Variants in RBFOX1 observed in about 807,000 individuals in gnomAD.
The protein encoded by RBFOX1 is RNA binding protein fox-1 homolog 1.
A neutral mutation model predicts 57.7 loss-of-function variants in RBFOX1; 8 were observed. That is an observed-to-expected ratio of 0.14 (90% CI 0.08 to 0.25). The LOEUF is 0.25. RBFOX1 is among the 10% of genes least tolerant of loss of function. The probability of loss-of-function intolerance (pLI) is 1.00; values close to 1 mark genes in which losing one functional copy is unlikely to be tolerated. For synonymous variants in RBFOX1, 326 were observed against 222.4 expected, an observed-to-expected ratio of 1.47 and a Z score of -4.15; for missense variants, 611 against 548.5, an observed-to-expected ratio of 1.11 and a Z score of -1.14.
intron 5 of RBFOX1, among the ~76,000 whole-genome samples, chr16:7,543,667 C>CTGTGTGTGTGTG (rs71150310): frequency 1.4e-5 from 2 of 141,520 alleles, no homozygotes; most frequent in African/African-American, 5.2e-5. Context: ...TGGGCAGTAT[C>CTGTGTGTGTGTG]TGTGTGTGTG....
chr16:6,187,074 G>T (rs2097109887), intron 1 of RBFOX1, among the ~76,000 whole-genome samples: 2 of 152,126 alleles, frequency 1.3e-5, no homozygotes, highest in Non-Finnish European at 2.9e-5. Flanking sequence ...AGTTATCATG[G>T]ACCAGTAGAG....
intron 2 of RBFOX1, among the ~76,000 whole-genome samples, chr16:6,561,325 A>C (rs1303467827): frequency 6.6e-6 from 1 of 152,178 alleles, no homozygotes; most frequent in Non-Finnish European, 1.5e-5. Context: ...ATATGCATGC[A>C]TTCCGTAATA....
At chr16:6,737,370 C>G (rs1426222405) in intron 3 of RBFOX1, among the ~76,000 whole-genome samples, 2 of 151,588 alleles carry the variant, frequency 1.3e-5, no homozygotes. Flanking sequence ...GTTTAATTAT[C>G]AGGTAAAGAC....
At chr16:6,141,832 G>T (rs2096718254) in intron 1 of RBFOX1, among the ~76,000 whole-genome samples, 1 of 151,958 alleles carries the variant, frequency 6.6e-6, no homozygotes, top group Non-Finnish European at 1.5e-5. Context: ...GGTGAGGCAG[G>T]CATAACACTT....
intron 4 of RBFOX1, among the ~76,000 whole-genome samples, chr16:7,129,370 A>C (rs1336311057): frequency 6.6e-6 from 1 of 152,172 alleles, no homozygotes; most frequent in African/African-American, 2.4e-5. Flanking sequence ...TACCTAAACC[A>C]TGGGTACTGG....
chr16:5,501,606 A>G (rs1597322061), intron 2 of RBFOX1, among the ~76,000 whole-genome samples: 1 of 152,324 alleles, frequency 6.6e-6, no homozygotes, highest in East Asian at 1.9e-4. Context: ...GAAGGCAATT[A>G]TAGCATCTTC....
chr16:5,906,685 G>C (rs1285207031), intron 4 of RBFOX1, among the ~76,000 whole-genome samples: 1 of 147,254 alleles, frequency 6.8e-6, no homozygotes, highest in African/African-American at 2.5e-5. Flanking sequence ...TGTTGTCGCT[G>C]ACCACACTCC....
intron 3 of RBFOX1, among the ~76,000 whole-genome samples, chr16:7,040,500 A>G (rs1484240577): frequency 1.3e-5 from 2 of 152,198 alleles, no homozygotes; most frequent in Non-Finnish European, 2.9e-5. Context: ...GCTCATTGCA[A>G]TAAGTTGAAG....
rs893869173 is a variant in RBFOX1, at chr16:5,947,718, C to G, written c.351+80383C>G. 1.1e-4 allele frequency among the ~76,000 whole-genome samples: 17 copies of G among 152,310 alleles called. No homozygotes were observed. Among genetic ancestry groups the G allele is most frequent in the African/African-American group, 4.1e-4 (17 of 41,578 alleles). ...GAGAGTGGGGTTAGGGATTTCTGCA[C>G]CCTTTTTACTATGTCCAGGAACATT... On this transcript the variant is annotated intron_variant, in intron 4 of 19. Transcript: ENST00000641259. The surrounding 1 kb of genome is among the most constrained non-coding windows in gnomAD (Gnocchi z 7.2).
At chr16:7,067,259 C>A (rs755924387) in intron 4 of RBFOX1, among the ~76,000 whole-genome samples, 17 of 152,044 alleles carry the variant, frequency 1.1e-4, no homozygotes, top group Non-Finnish European at 2.4e-4. Context: ...AGTTGGTACT[C>A]ATGTTGAAAT....
intron 4 of RBFOX1, among the ~76,000 whole-genome samples, chr16:7,275,377 C>T (rs1251591087): frequency 1.3e-5 from 2 of 152,290 alleles, no homozygotes; most frequent in East Asian, 1.9e-4. Context: ...ATGTGTGTTG[C>T]TTCTGATACT....
At chr16:6,697,960 GTTGA>G in intron 3 of RBFOX1, among the ~76,000 whole-genome samples, 1 of 152,298 alleles carries the variant, frequency 6.6e-6, no homozygotes, top group South Asian at 2.1e-4. Context: ...CAACCAGAGA[GTTGA>G]TTGGTCTATG....
intron 4 of RBFOX1, among the ~76,000 whole-genome samples, chr16:6,006,876 A>G (rs370833351): frequency 3.9e-4 from 60 of 152,316 alleles, no homozygotes; most frequent in Middle Eastern, 3.4e-3. Context: ...TTGCATGCTC[A>G]GCACACAAGC....
At chr16:5,364,583 C>G (rs967074746) in intron 1 of RBFOX1, among the ~76,000 whole-genome samples, 4 of 152,220 alleles carry the variant, frequency 2.6e-5, no homozygotes, top group African/African-American at 9.6e-5. Flanking sequence ...ACTCCATTCT[C>G]TATCTAAAAA....
chr16:6,972,028 G>C (rs556104072), intron 3 of RBFOX1, among the ~76,000 whole-genome samples: 33 of 152,084 alleles, frequency 2.2e-4, no homozygotes, highest in African/African-American at 7.0e-4. Context: ...AAAGAAGAGG[G>C]GAACAGAGAG....
At chr16:5,401,624 T>A (rs1266879943) in intron 1 of RBFOX1, among the ~76,000 whole-genome samples, 6 of 152,148 alleles carry the variant, frequency 3.9e-5, no homozygotes, top group Admixed American at 1.3e-4. Flanking sequence ...AAACTATAAG[T>A]TTACATTATT....
chr16:5,831,324 T>C (rs894967563), intron 3 of RBFOX1, among the ~76,000 whole-genome samples: 2 of 152,074 alleles, frequency 1.3e-5, no homozygotes, highest in Non-Finnish European at 2.9e-5. Flanking sequence ...CCTGCCATTC[T>C]CTCTATCTTG....
chr16:6,715,459 G>C lies in RBFOX1; in HGVS notation c.-16+60809G>C, dbSNP rs188525897. ...AGGTTAGTAAACAAATGATTGCCAA[G>C]TTTATAATTGGCAAGGAAGGAGGTT... On this transcript the variant is annotated intron_variant, in intron 3 of 15. Transcript: ENST00000550418. Among the ~76,000 whole-genome samples the C allele has an allele frequency of 1.2e-4, 19 of 152,218 alleles. No homozygotes were observed. In the East Asian group the frequency reaches 3.7e-3, roughly 29 times the overall value.
At chr16:7,671,435 T>G in intron 13 of RBFOX1, 1 of 888,268 alleles carries the variant, frequency 1.1e-6, no homozygotes, top group Non-Finnish European at 1.7e-6. Context: ...GTCCCAAGGC[T>G]TGGTGAAGTA....
Sources: allele counts gnomAD v4.1 joint callset (sites outside exome capture counted in the v4.1 genomes callset), GRCh38; gene constraint gnomAD v4.1.1; non-coding constraint Gnocchi (gnomAD v3.1); transcripts MANE v1.5; gene names NCBI Gene and HGNC (gene_info 2026-07-23, HGNC 2026-07-21).